Variants in ALPK2 observed in about 807,000 individuals in gnomAD.
The protein encoded by ALPK2 is alpha kinase 2, also known as alpha-protein kinase 2.
A neutral mutation model predicts 163.1 loss-of-function variants in ALPK2; 127 were observed. The ratio of observed to expected loss-of-function variants is 0.78; its 90% CI spans 0.67 to 0.90. The LOEUF is 0.90. Among genes scored for constraint, ALPK2 ranks in the 40% least tolerant of loss-of-function variants. The pLI is 0.00. For missense variants in ALPK2, 2,360 were observed against 2,589.6 expected (o/e 0.91, Z 1.92); for synonymous variants, 953 against 959.1 (o/e 0.99, Z 0.12).
chr18:58,628,065 T>C (rs1243350207), intron 1 of ALPK2, among the ~76,000 whole-genome samples: 1 of 152,226 alleles, frequency 6.6e-6, no homozygotes, highest in East Asian at 1.9e-4. Context: ...TAATCAAGGC[T>C]TTTAAAGTTT....
intron 2 of ALPK2, among the ~76,000 whole-genome samples, 194 bp downstream of exon 2, chr18:58,611,495 C>G (rs553102047): frequency 3.3e-5 from 5 of 152,198 alleles, no homozygotes; most frequent in Admixed American, 1.3e-4. Flanking sequence ...ATCACTAAAT[C>G]GTGTCCAGGA....
At chr18:58,503,580 T>TC (rs1251570104) in intron 11 of ALPK2, among the ~76,000 whole-genome samples, 2 of 152,146 alleles carry the variant, frequency 1.3e-5, no homozygotes, top group African/African-American at 4.8e-5. Context: ...GCATGTGCAG[T>TC]CTCAGCTACT....
intron 9 of ALPK2, among the ~76,000 whole-genome samples, chr18:58,515,356 C>T (rs969572567): frequency 9.2e-5 from 14 of 152,298 alleles, no homozygotes; most frequent in Non-Finnish European, 1.8e-4. Context: ...CCGGCAGGGC[C>T]GAAATTCACC....
rs150356675 is a variant in ALPK2, at chr18:58,535,458, T to C, written c.4729A>G (p.Lys1577Glu). ...VPENDIVEPR[K>E]RQYVFPVSQK... The stretch of plus-strand genomic sequence containing the variant: ...GAAACAGGAAACACATACTGACGCT[T>C]TCTGGGCTCAACTATGTCATTTTCA... The change falls in exon 5 of 13, where the codon AAG (lysine) becomes GAG (glutamate). Residue 1577 changes from lysine (K) to glutamate (E), a missense_variant. Coordinates refer to ENST00000361673, the MANE Select transcript of ALPK2 (RefSeq NM_052947.4). 5.9e-5 allele frequency: 95 copies of C among 1,614,208 alleles called. No homozygotes were observed. The African/African-American group carries it at 1.2e-3, about 20-fold the overall frequency.
intron 4 of ALPK2, among the ~76,000 whole-genome samples, chr18:58,541,755 T>C (rs1398437052): frequency 2.6e-5 from 4 of 152,170 alleles, no homozygotes; most frequent in Non-Finnish European, 5.9e-5. Context: ...AAATTTGATT[T>C]TAACCAATGG....
chr18:58,494,292 G>A (rs1026697118), intron 12 of ALPK2, among the ~76,000 whole-genome samples: 2 of 152,160 alleles, frequency 1.3e-5, no homozygotes, highest in African/African-American at 4.8e-5. Flanking sequence ...AAAAGATTGA[G>A]GTGGCTGAGG....
chr18:58,535,116 G>A lies in ALPK2; in HGVS notation c.5071C>T (p.Leu1691=). 3 of 1,614,072 alleles carry A rather than the reference G, an allele frequency of 1.9e-6. No individual in the cohort carries two copies. Among genetic ancestry groups the A allele is most frequent in the Non-Finnish European group, 2.5e-6 (3 of 1,180,020 alleles). ...GGCGATTTGCCTGCTCGGGCTTCCA[G>A]GGACTTCTCTCTCTCCCTGGACTTT... is the stretch of plus-strand genomic sequence containing the variant. The part of the protein sequence containing the change: ...AKKSREREKS[L]EARAGKSPGT... The change falls in exon 5 of 13, where the codon CTG becomes TTG. Residue 1691 remains leucine (L), a synonymous_variant. Coordinates refer to ENST00000361673, the MANE Select transcript of ALPK2 (RefSeq NM_052947.4).
chr18:58,598,937 T>C (rs1351559652), intron 3 of ALPK2, among the ~76,000 whole-genome samples: 1 of 152,176 alleles, frequency 6.6e-6, no homozygotes, highest in Non-Finnish European at 1.5e-5. Flanking sequence ...AACGTGACAG[T>C]GACAGTTTTC....
chr18:58,618,850 AC>A (rs1424808378), intron 1 of ALPK2, among the ~76,000 whole-genome samples: 4 of 150,978 alleles, frequency 2.6e-5, no homozygotes, highest in Non-Finnish European at 4.4e-5. Flanking sequence ...GGCTGCTGTC[AC>A]CAAAAAGCTT....
At chr18:58,613,178 G>C (rs2052143016) in intron 1 of ALPK2, among the ~76,000 whole-genome samples, 1 of 152,134 alleles carries the variant, frequency 6.6e-6, no homozygotes, top group Admixed American at 6.5e-5. Flanking sequence ...AGTTCCCCGA[G>C]GACAGTTCAA....
At chr18:58,534,540 G>T (rs2051632615) in intron 5 of ALPK2, among the ~76,000 whole-genome samples, 1 of 152,200 alleles carries the variant, frequency 6.6e-6, no homozygotes, top group Non-Finnish European at 1.5e-5. Flanking sequence ...CAACAGACAT[G>T]CCTACAGGCG....
chr18:58,541,551 TA>T (rs938819505), intron 4 of ALPK2, among the ~76,000 whole-genome samples: 11 of 152,364 alleles, frequency 7.2e-5, no homozygotes, highest in Admixed American at 3.3e-4. Context: ...TCTCCACATG[TA>T]AAAAAATTGG....
intron 10 of ALPK2, 50 bp from the exon 11 acceptor site, chr18:58,504,198 G>A (rs1271078811): frequency 6.7e-7 from 1 of 1,499,896 alleles, no homozygotes; most frequent in Non-Finnish European, 9.3e-7. Flanking sequence ...ACTGGGAAGA[G>A]AGGCTCCTGC....
intron 1 of ALPK2, among the ~76,000 whole-genome samples, chr18:58,615,543 T>C (rs576366395): frequency 9.2e-4 from 140 of 152,362 alleles, no homozygotes; most frequent in Admixed American, 1.6e-3. Context: ...ATCTGTTACA[T>C]AATTAGTTTT....
chr18:58,488,204 A>G (rs2051350374), intron 12 of ALPK2, among the ~76,000 whole-genome samples: 1 of 152,136 alleles, frequency 6.6e-6, no homozygotes. Context: ...GAGGCAAACA[A>G]TCTAATAAAG....
chr18:58,610,629 C>T (rs150925196), intron 2 of ALPK2, among the ~76,000 whole-genome samples: 8 of 152,272 alleles, frequency 5.3e-5, no homozygotes, highest in Non-Finnish European at 1.0e-4. Context: ...AGAGGAGAGA[C>T]TAATTTAGCC....
At chr18:58,487,154 A>G (rs2051343223) in intron 12 of ALPK2, among the ~76,000 whole-genome samples, 1 of 150,846 alleles carries the variant, frequency 6.6e-6, no homozygotes, top group African/African-American at 2.4e-5. Flanking sequence ...CCTTATTTGG[A>G]AATCACATCA....
chr18:58,503,125 C>T (rs1361235252), intron 11 of ALPK2, among the ~76,000 whole-genome samples: 2 of 152,246 alleles, frequency 1.3e-5, no homozygotes, highest in East Asian at 1.9e-4. Flanking sequence ...GGAACCCTAA[C>T]GATGACATCT....
At chr18:58,523,730 A>G (rs2051568312) in intron 8 of ALPK2, 76 bp downstream of exon 8, 2 of 1,569,690 alleles carry the variant, frequency 1.3e-6, no homozygotes, top group Non-Finnish European at 1.8e-6. Context: ...TACTGCTTCT[A>G]CTCTTTCCTC....
Sources: gnomAD v4.1 joint callset for allele counts (sites outside exome capture counted in the v4.1 genomes callset) on GRCh38, gnomAD v4.1.1 for gene constraint, MANE v1.5 for transcripts, NCBI Gene and HGNC (gene_info 2026-07-23, HGNC 2026-07-21) for gene names.